DLG2: variants seen among roughly 807,000 people sequenced by gnomAD.
DLG2 encodes the protein disks large homolog 2.
A neutral mutation model predicts 132.5 loss-of-function variants in DLG2; 45 were observed. The observed-to-expected ratio is 0.34, with a 90% CI of 0.27 to 0.44. The LOEUF (loss-of-function observed/expected upper bound fraction) is 0.44. Among genes scored for constraint, DLG2 ranks in the 20% least tolerant of loss-of-function variants. The pLI is 1.00. For missense variants in DLG2, 1,045 were observed against 1,196.9 expected (o/e 0.87, Z 1.87); for synonymous variants, 424 against 419.6 (o/e 1.01, Z -0.13).
At chr11:83,630,721 G>A (rs981755529) in intron 19 of DLG2, among the ~76,000 whole-genome samples, 1 of 152,148 alleles carries the variant, frequency 6.6e-6, no homozygotes, top group Non-Finnish European at 1.5e-5. Flanking sequence ...GTATGGGACT[G>A]GGGGTAGGAG....
chr11:84,686,160 C>G (rs2099737971), intron 6 of DLG2, among the ~76,000 whole-genome samples: 1 of 152,192 alleles, frequency 6.6e-6, no homozygotes, highest in South Asian at 2.1e-4. Context: ...GATAGGCACT[C>G]AGTCAACCTC....
At chr11:85,281,588 C>T (rs575700442) in intron 4 of DLG2, among the ~76,000 whole-genome samples, 11 of 152,102 alleles carry the variant, frequency 7.2e-5, no homozygotes, top group Non-Finnish European at 8.8e-5. Context: ...AACTTTCCAA[C>T]GGTTTCTATT....
At chr11:83,530,388 C>T (rs2095709283) in intron 21 of DLG2, among the ~76,000 whole-genome samples, 1 of 151,802 alleles carries the variant, frequency 6.6e-6, no homozygotes, top group Admixed American at 6.6e-5. Flanking sequence ...ATTCGGGCCT[C>T]AAAATCCCTG....
At chr11:85,142,694 G>A (rs78856969) in intron 5 of DLG2, among the ~76,000 whole-genome samples, 1,740 of 151,840 alleles carry the variant, frequency 0.011, 30 homozygotes, top group African/African-American at 0.038. Context: ...TACTGTGTAG[G>A]AGTCTAGCAT....
At chr11:84,921,473 TTTA>T (rs2154083921) in intron 6 of DLG2, among the ~76,000 whole-genome samples, 1 of 152,290 alleles carries the variant, frequency 6.6e-6, no homozygotes, top group South Asian at 2.1e-4. Flanking sequence ...TAGTGAAGCT[TTTA>T]TTACTTTGCT....
intron 4 of DLG2, among the ~76,000 whole-genome samples, chr11:85,167,522 C>G (rs2078540207): frequency 6.6e-6 from 1 of 152,094 alleles, no homozygotes; most frequent in African/African-American, 2.4e-5. Context: ...TCCAGAGGAA[C>G]CCTCCTAATA....
At chr11:83,566,366 A>G (rs1019358825) in intron 19 of DLG2, among the ~76,000 whole-genome samples, 3 of 152,044 alleles carry the variant, frequency 2.0e-5, no homozygotes, top group Admixed American at 2.0e-4. Context: ...ATCTAATCCC[A>G]ATCACATTTT....
chr11:84,331,458 A>C (rs10792753), intron 7 of DLG2, among the ~76,000 whole-genome samples: 1 of 139,134 alleles, frequency 7.2e-6, no homozygotes, highest in African/African-American at 2.6e-5. Flanking sequence ...AAAAAAAAAA[A>C]AAATAAATAA....
intron 18 of DLG2, among the ~76,000 whole-genome samples, chr11:83,639,642 G>C (rs1445034987): frequency 1.3e-5 from 2 of 151,854 alleles, no homozygotes; most frequent in African/African-American, 4.8e-5. Flanking sequence ...GGCATTAGGA[G>C]ATATACCTAA....
chr11:83,988,406 T>C (rs1044636954), intron 11 of DLG2, among the ~76,000 whole-genome samples: 2 of 152,124 alleles, frequency 1.3e-5, no homozygotes, highest in African/African-American at 4.8e-5. Flanking sequence ...TCTTTTTTGG[T>C]TCCATAAGAA....
chr11:85,165,109 A>G (rs1465160297), intron 4 of DLG2, among the ~76,000 whole-genome samples: 1 of 152,208 alleles, frequency 6.6e-6, no homozygotes, highest in Non-Finnish European at 1.5e-5. Context: ...TTAGCAAGGT[A>G]TAAGACACAT....
intron 3 of DLG2, among the ~76,000 whole-genome samples, chr11:85,549,578 G>C (rs941374895): frequency 4.6e-5 from 7 of 152,218 alleles, no homozygotes; most frequent in African/African-American, 1.2e-4. Context: ...ACTCCATCTT[G>C]TATAGGGGCT....
chr11:83,732,593 A>G (rs1017057049), intron 18 of DLG2, among the ~76,000 whole-genome samples: 2 of 152,264 alleles, frequency 1.3e-5, no homozygotes, highest in Non-Finnish European at 2.9e-5. Context: ...GTAAGAGCCC[A>G]AAGCGTATAA....
At chr11:84,481,831 G>T (rs980751408) in intron 7 of DLG2, among the ~76,000 whole-genome samples, 5 of 152,214 alleles carry the variant, frequency 3.3e-5, no homozygotes, top group African/African-American at 1.2e-4. Flanking sequence ...CAACTTCCTT[G>T]CCTCAGTGTG....
intron 8 of DLG2, among the ~76,000 whole-genome samples, chr11:84,187,579 A>C (rs968013785): frequency 2.0e-5 from 3 of 152,218 alleles, no homozygotes; most frequent in African/African-American, 7.2e-5. Flanking sequence ...CATTTTACAC[A>C]CAAGAACCCA....
At chr11:83,594,391 G>A (rs1194472529) in intron 19 of DLG2, among the ~76,000 whole-genome samples, 1 of 152,192 alleles carries the variant, frequency 6.6e-6, no homozygotes. Flanking sequence ...TAAGAAATAT[G>A]TTGCATCATT....
intron 16 of DLG2, among the ~76,000 whole-genome samples, chr11:83,869,577 A>G (rs1424418880): frequency 3.3e-5 from 5 of 152,252 alleles, no homozygotes; most frequent in Non-Finnish European, 2.9e-5. Flanking sequence ...CAATAGCAGT[A>G]TCATCACAAA....
At chr11:84,379,500 T>C (rs1033157764) in intron 7 of DLG2, among the ~76,000 whole-genome samples, 4 of 151,902 alleles carry the variant, frequency 2.6e-5, no homozygotes, top group African/African-American at 9.7e-5. Context: ...CCACAGAGGA[T>C]AAGAAGATGA....
At chr11:84,418,318 A>G (rs1056469456) in intron 7 of DLG2, among the ~76,000 whole-genome samples, 1 of 152,224 alleles carries the variant, frequency 6.6e-6, no homozygotes, top group Admixed American at 6.5e-5. Context: ...AAAAGTCCCA[A>G]TGTGAAGTGA....
Sources: gnomAD v4.1 joint callset for allele counts (sites outside exome capture counted in the v4.1 genomes callset) on GRCh38, gnomAD v4.1.1 for gene constraint, MANE v1.5 for transcripts, NCBI Gene and HGNC (gene_info 2026-07-23, HGNC 2026-07-21) for gene names.